Variants in SCAI observed in about 807,000 individuals in gnomAD.
The protein encoded by SCAI is protein SCAI.
A neutral mutation model predicts 92.2 loss-of-function variants in SCAI; 24 were observed. The ratio of observed to expected loss-of-function variants is 0.26; its 90% CI spans 0.19 to 0.37. The LOEUF is 0.37. Ranked by LOEUF, SCAI falls within the 10% of genes least tolerant of loss-of-function variation. The pLI is 1.00. For missense variants in SCAI, 450 were observed against 736.2 expected, an observed-to-expected ratio of 0.61 and a Z score of 4.50; for synonymous variants, 261 against 258.6, an observed-to-expected ratio of 1.01 and a Z score of -0.09.
intron 3 of SCAI, among the ~76,000 whole-genome samples, chr9:125,051,381 T>C (rs1159868591): frequency 6.6e-6 from 1 of 152,188 alleles, no homozygotes; most frequent in Non-Finnish European, 1.5e-5. Flanking sequence ...AATATATCTG[T>C]GGTATATTTG....
At chr9:125,003,432 G>C (rs758262548) in intron 10 of SCAI, 37 bp downstream of exon 10, 5 of 1,386,684 alleles carry the variant, frequency 3.6e-6, no homozygotes, top group Non-Finnish European at 4.1e-6. Context: ...CGCAGCCAGA[G>C]GGTTACCAAA....
chr9:124,995,556 C>T lies in SCAI; in HGVS notation c.1245-541G>A, dbSNP rs115961737. 5.1e-3 allele frequency among the ~76,000 whole-genome samples: 773 copies of T among 151,862 alleles called. 4 individuals are homozygous for T. The highest frequency in any genetic ancestry group is 0.018 in the African/African-American group (741 of 41,364). On this transcript the variant is annotated intron_variant, in intron 13 of 17. Coordinates refer to ENST00000336505, the MANE Select transcript of SCAI (RefSeq NM_001144877.3). ...CTGGAGTACAGTGGTGTTGTGCAAT[C>T]GCAGCTCACAGCAACCTCCATGTCC...
rs766764213 is a variant in SCAI at position 125,026,925 on chromosome 9, A to G, written c.414-15T>C. 7 of 1,415,176 alleles carry G rather than the reference A, an allele frequency of 4.9e-6. No homozygotes were observed. The South Asian group carries it at 7.1e-5, about 14-fold the overall frequency. The allele number at this position is 1,415,176 out of a possible 1,614,324, so 87.7% of individuals were successfully genotyped here. On this transcript the variant is annotated splice_polypyrimidine_tract_variant and intron_variant, in intron 5 of 17. Transcript: ENST00000336505. ...ATGTGCGTAAGCTATGAGAAAAAAT[A>G]TATTTTTAAATATGACAGTGTCAGA...
chr9:124,956,693 C>T (rs187113138), intron 17 of SCAI, among the ~76,000 whole-genome samples: 3 of 152,096 alleles, frequency 2.0e-5, no homozygotes, highest in Non-Finnish European at 4.4e-5. Context: ...CTATGAATAA[C>T]CAACAATTTA....
At position 124,945,637 on chromosome 9, in the gene SCAI, T is replaced by C. The variant is rs192354534; in HGVS notation, c.*7170A>G. On this transcript the variant is annotated 3_prime_UTR_variant, in exon 18 of 18. Coordinates refer to ENST00000336505, the MANE Select transcript of SCAI (RefSeq NM_001144877.3). ...AAATTAAGAATGGTGCTTCAATCAG[T>C]TATTAAATTAGTTATACTTAATACA... 1 of 152,294 alleles carries C rather than the reference T, an allele frequency of 6.6e-6. No individual in the cohort carries two copies. Among genetic ancestry groups the C allele is most frequent in the Non-Finnish European group, 1.5e-5 (1 of 68,018 alleles). The allele number at this position is 152,294 out of a possible 1,614,324, so 9.4% of individuals were successfully genotyped here.
intron 7 of SCAI, 31 bp from the exon 8 acceptor site, chr9:125,019,236 T>C (rs1209461028): frequency 1.5e-6 from 2 of 1,300,786 alleles, no homozygotes; most frequent in South Asian, 1.3e-5. Flanking sequence ...AAAAAGGTTA[T>C]TAAAAAACCC....
At chr9:125,042,129 T>C (rs1010985456) in intron 3 of SCAI, among the ~76,000 whole-genome samples, 7 of 152,208 alleles carry the variant, frequency 4.6e-5, no homozygotes, top group Non-Finnish European at 7.3e-5. Context: ...ATAATTTAAG[T>C]GACCTTATAT....
chr9:125,005,286 G>C (rs1192468562), intron 9 of SCAI, among the ~76,000 whole-genome samples: 1 of 152,138 alleles, frequency 6.6e-6, no homozygotes, highest in Non-Finnish European at 1.5e-5. Flanking sequence ...ATGAGAATAA[G>C]TTTATGAAGA....
intron 2 of SCAI, among the ~76,000 whole-genome samples, chr9:125,131,402 C>T (rs544959835): frequency 3.1e-4 from 45 of 142,898 alleles, no homozygotes; most frequent in Admixed American, 9.8e-4. Flanking sequence ...AGCAAGACTC[C>T]GTCTCAAAAA....
chr9:125,114,242 T>C (rs541346157), intron 2 of SCAI, among the ~76,000 whole-genome samples: 25 of 152,316 alleles, frequency 1.6e-4, no homozygotes, highest in African/African-American at 5.8e-4. Flanking sequence ...TGGTTGTTAG[T>C]AGTCGCTGGC....
intron 13 of SCAI, among the ~76,000 whole-genome samples, chr9:124,997,903 A>T (rs1832275231): frequency 6.6e-6 from 1 of 151,692 alleles, no homozygotes; most frequent in Non-Finnish European, 1.5e-5. Context: ...AAAAGAAAAG[A>T]AAAAAGAAAA....
intron 14 of SCAI, among the ~76,000 whole-genome samples, chr9:124,982,124 A>G (rs939429360): frequency 2.2e-4 from 34 of 152,202 alleles, no homozygotes; most frequent in African/African-American, 8.2e-4. Flanking sequence ...TATCATTATC[A>G]TAATAATTCC....
chr9:125,106,532 T>C (rs1834804003), intron 2 of SCAI, among the ~76,000 whole-genome samples: 1 of 152,176 alleles, frequency 6.6e-6, no homozygotes, highest in Non-Finnish European at 1.5e-5. Context: ...CAAACCCACA[T>C]TCTTCCCAAA....
At position 125,038,155 on chromosome 9, in the gene SCAI, G is replaced by A. The variant is rs1018201139; in HGVS notation, c.231-8416C>T. The stretch of plus-strand genomic sequence containing the variant: ...GCCTGTAGTGCTAGCTACTCGGGGA[G>A]CTGAGGTGGGAGGATCAATTGAGCC... On this transcript the variant is annotated intron_variant, in intron 3 of 17. Transcript: ENST00000336505. Among the ~76,000 whole-genome samples, 11 of 152,186 alleles carry A rather than the reference G, an allele frequency of 7.2e-5. 1 individual carries two copies. Among genetic ancestry groups the A allele is most frequent in the African/African-American group, 2.7e-4 (11 of 41,450 alleles).
chr9:125,078,837 G>A (rs183916630), intron 2 of SCAI, among the ~76,000 whole-genome samples: 337 of 152,270 alleles, frequency 2.2e-3, no homozygotes, highest in Non-Finnish European at 3.8e-3. Context: ...CTTGAGCCCA[G>A]GAGTTCAAGT....
In SCAI at chr9:124,959,756, G is replaced by T. The variant is rs542762988; in HGVS notation, c.1675-6803C>A. Among the ~76,000 whole-genome samples, 127 of 135,390 alleles carry T rather than the reference G, an allele frequency of 9.4e-4. 1 individual carries two copies. The highest frequency in any genetic ancestry group is 3.3e-3 in the African/African-American group (119 of 35,820). The allele number at this position is 135,390 out of a possible 152,430, so 88.8% of individuals were successfully genotyped here. ...TGTGTCCAAGTGTTCTCATTGTTCA[G>T]TTCCCACCTATGAGTGAGAAGATGT... On this transcript the variant is annotated intron_variant, in intron 17 of 17. Coordinates refer to ENST00000336505, the MANE Select transcript of SCAI (RefSeq NM_001144877.3).
intron 2 of SCAI, among the ~76,000 whole-genome samples, chr9:125,063,270 A>G (rs1588189746): frequency 6.6e-6 from 1 of 150,864 alleles, no homozygotes; most frequent in East Asian, 2.0e-4. Context: ...TTAGATAGGC[A>G]TGGTGGCACA....
chr9:125,082,663 C>T (rs1388457673), intron 2 of SCAI, among the ~76,000 whole-genome samples: 1 of 152,258 alleles, frequency 6.6e-6, no homozygotes, highest in Non-Finnish European at 1.5e-5. Context: ...CTACCTCTTG[C>T]ATCAGCATGA....
chr9:125,056,120 G>A, intron 2 of SCAI, 113 bp from the exon 3 acceptor site: 3 of 750,394 alleles, frequency 4.0e-6, no homozygotes, highest in Non-Finnish European at 6.3e-6. Flanking sequence ...GAATTCTTCT[G>A]ATTACAATCA....
Sources: allele counts gnomAD v4.1 joint callset (sites outside exome capture counted in the v4.1 genomes callset), GRCh38; gene constraint gnomAD v4.1.1; transcripts MANE v1.5; gene names NCBI Gene and HGNC (gene_info 2026-07-23, HGNC 2026-07-21).